Variants in UBR4 observed in about 807,000 individuals in gnomAD.
UBR4 encodes E3 ubiquitin-protein ligase UBR4.
A neutral mutation model predicts 575.6 loss-of-function variants in UBR4; 124 were observed. The ratio of observed to expected loss-of-function variants is 0.22; its 90% confidence interval spans 0.19 to 0.25. The LOEUF is 0.25. Among genes scored for constraint, UBR4 ranks in the 10% least tolerant of loss-of-function variants. The pLI, the probability that UBR4 is intolerant of heterozygous loss-of-function variation, is 1.00. For synonymous variants in UBR4, 2,455 were observed against 2,473.7 expected, an observed-to-expected ratio of 0.99 and a Z score of 0.22; for missense variants, 4,818 against 6,478.8, an observed-to-expected ratio of 0.74 and a Z score of 8.80.
Position 19,114,880 on chromosome 1 carries a change from G to A in UBR4, c.11133C>T (p.Phe3711=), listed in dbSNP as rs750616903. The part of the protein sequence containing the change: ...NACGFCKYAR[F]DFMLYAKPCC... ...AAGGCTTGGCATAGAGCATGAAGTCGAAGCGGGCATATTTACAGAAGCCAC... is the reference window on the plus strand; with the variant it reads ...AAGGCTTGGCATAGAGCATGAAGTCAAAGCGGGCATATTTACAGAAGCCAC... Residue 3711 remains phenylalanine (F), a synonymous_variant, in exon 75 of 106, where the codon TTC becomes TTT. Transcript: ENST00000375254. The A allele has an allele frequency of 9.9e-6, 16 of 1,614,076 alleles. No individual in the cohort carries two copies. Among genetic ancestry groups the A allele is most frequent in the Middle Eastern group, 1.6e-4 (1 of 6,084 alleles).
chr1:19,096,611 C>G lies in UBR4; in HGVS notation c.13430G>C (p.Gly4477Ala). 1 of 1,613,756 alleles carries G rather than the reference C, an allele frequency of 6.2e-7. No homozygotes were observed. The highest frequency in any genetic ancestry group is 8.5e-7 in the Non-Finnish European group (1 of 1,179,918). The change falls in exon 92 of 106, where the codon GGT (glycine) becomes GCT (alanine). Residue 4477 changes from glycine (G) to alanine (A), a missense_variant. Transcript: ENST00000375254. ...CAGGCCCCCACACTGGGCCATCACACCAGCCATTTTATACACTTCTTCTTC... is the reference window on the plus strand; with the variant it reads ...CAGGCCCCCACACTGGGCCATCACAGCAGCCATTTTATACACTTCTTCTTC... ...EDEEEVYKMA[G>A]VMAQCGGLEC...
intron 18 of UBR4, among the ~76,000 whole-genome samples, chr1:19,177,989 G>A (rs1468921672): frequency 6.6e-6 from 1 of 152,150 alleles, no homozygotes; most frequent in Non-Finnish European, 1.5e-5. Context: ...TCGAGGGGAG[G>A]ATTGCTTGAG....
At chr1:19,087,772 T>C (rs1473851540) in intron 99 of UBR4, 44 bp downstream of exon 99, 1 of 1,521,816 alleles carries the variant, frequency 6.6e-7, no homozygotes. Flanking sequence ...GAACAAGGGG[T>C]CAGGCTGGGC....
In UBR4 at chr1:19,123,045, G is replaced by T; in HGVS notation, c.9604C>A (p.Gln3202Lys). The T allele has an allele frequency of 1.9e-6, 3 of 1,614,182 alleles. No individual in the cohort carries two copies. Among genetic ancestry groups the T allele is most frequent in the Non-Finnish European group, 2.5e-6 (3 of 1,180,014 alleles). The change falls in exon 66 of 106, where the codon CAG becomes AAG. Residue 3202 changes from glutamine (Q) to lysine (K), a missense_variant. Physicochemically the swap from Gln to Lys is moderately conservative, Grantham distance 53 (BLOSUM62 1). This residue lies in a region of UBR4 where 550 missense variants were observed against 791.5 expected (regional missense o/e 0.69). Coordinates refer to ENST00000375254, the MANE Select transcript of UBR4 (RefSeq NM_020765.3). Reference sequence around the variant, plus strand: ...ACTTGACGGCGCACAAATGGAGTCTGCTGGATCATGAGGTACTTGAGAAGA... The same window carrying T: ...ACTTGACGGCGCACAAATGGAGTCTTCTGGATCATGAGGTACTTGAGAAGA... ...YFLSEYLMIQ[Q>K]TPFVRRQVRK... is the part of the protein sequence containing the mutation.
Position 19,152,384 on chromosome 1 carries a change from G to A in UBR4, c.6925C>T (p.Leu2309=), listed in dbSNP as rs2085857626. ...ATCTGTTGTGCATTATAGACCTGTA[G>A]GAGGTCGTTACCACCAAACTCCACA... The part of the protein sequence containing the change: ...TDVEFGGNDL[L]QVYNAQQIKH... The change falls in exon 47 of 106, where the codon CTA becomes TTA. Residue 2309 remains leucine, a synonymous_variant. Transcript: ENST00000375254. This position sits in a 1 kb window ranked among gnomAD's most constrained non-coding sequence, Gnocchi z 4.4. The A allele has an allele frequency of 1.9e-6, 3 of 1,613,834 alleles. No homozygotes were observed. Among genetic ancestry groups the A allele is most frequent in the Admixed American group, 1.7e-5 (1 of 59,998 alleles).
At chr1:19,151,455 T>C (rs1263132860) in intron 48 of UBR4, 188 bp downstream of exon 48, 1 of 659,604 alleles carries the variant, frequency 1.5e-6, no homozygotes, top group Non-Finnish European at 2.7e-6. Flanking sequence ...GCTACCATGC[T>C]CCGGTGTACT....
Position 19,210,218 on chromosome 1 carries a change from CCGCCGCCTCTTCGCCGCCGCTCGT to C in UBR4, c.7_30del (p.Thr3_Ala10del). The stretch of plus-strand genomic sequence containing the variant: ...GGGGTCCCCGGCGCCGGAGCCGCTG[CCGCCGCCTCTTCGCCGCCGCTCGT>C]CGCCATCTTCCGTCGTACTACTGCG... On this transcript the variant is annotated inframe_deletion, in exon 1 of 106. Transcript: ENST00000375254. 6.9e-7 allele frequency: 1 copy of C among 1,442,076 alleles called. No individual in the cohort carries two copies. Among genetic ancestry groups the C allele is most frequent in the Non-Finnish European group, 9.1e-7 (1 of 1,100,802 alleles). The allele number at this position is 1,442,076 out of a possible 1,614,324, so 89.3% of individuals were successfully genotyped here.
Position 19,150,523 on chromosome 1 carries a change from C to G in UBR4, c.7430+54G>C. ...GGCTCTCTCAAGACACAGGAAGGTT[C>G]TGCAGTGAGTGGAATATGTAAAAAC... On this transcript the variant is annotated intron_variant, in intron 49 of 105. Transcript: ENST00000375254. The G allele has an allele frequency of 3.2e-6, 5 of 1,578,784 alleles. No individual in the cohort carries two copies. In the South Asian group the frequency reaches 4.4e-5, roughly 14 times the overall value.
At chr1:19,079,185 C>T (rs1362756970) in intron 103 of UBR4, 1 of 152,096 alleles carries the variant, frequency 6.6e-6, no homozygotes, top group Admixed American at 6.5e-5. Context: ...CTATATGGGC[C>T]TCAAGTGAAG....
In UBR4 at chr1:19,186,575, T is replaced by C. The variant is rs748835010; in HGVS notation, c.1715A>G (p.Asp572Gly). ...GTCCTCCTCCGTGCTACTGAAATCG[T>C]CCTCATAGTAAGTATTGGAGTCGGT... Reference protein sequence around the residue: ...ASTDSNTYYEDDFSSTEEDSS... With the variant: ...ASTDSNTYYEGDFSSTEEDSS... Residue 572 changes from aspartate (D) to glycine (G), a missense_variant, in exon 14 of 106, where the codon GAC becomes GGC. By Grantham distance (94) the Asp-to-Gly change is moderately conservative (BLOSUM62 -1). This residue lies in a region of UBR4 where 162 missense variants were observed against 216.4 expected (regional missense o/e 0.75). Coordinates refer to ENST00000375254, the MANE Select transcript of UBR4 (RefSeq NM_020765.3). 6.2e-7 allele frequency: 1 copy of C among 1,614,104 alleles called. No individual in the cohort carries two copies. The highest frequency in any genetic ancestry group is 8.5e-7 in the Non-Finnish European group (1 of 1,180,000).
intron 7 of UBR4, 101 bp from the exon 8 acceptor site, chr1:19,197,366 C>T (rs374182570): frequency 9.3e-5 from 140 of 1,512,176 alleles, no homozygotes; most frequent in Non-Finnish European, 1.2e-4. Context: ...CAGTGGCTCA[C>T]GCCTATAATT....
intron 64 of UBR4, chr1:19,125,783 C>T (rs2081672266): frequency 1.3e-5 from 2 of 153,446 alleles, no homozygotes; most frequent in African/African-American, 4.8e-5. Flanking sequence ...TATCGTATTC[C>T]TACCCTACTC....
chr1:19,076,018 G>A (rs951320181), intron 105 of UBR4, among the ~76,000 whole-genome samples: 3 of 152,288 alleles, frequency 2.0e-5, no homozygotes, highest in East Asian at 1.9e-4. Flanking sequence ...ATGCCGCGGC[G>A]CCCACAACCT....
chr1:19,124,801 G>A, intron 64 of UBR4, 111 bp from the exon 65 acceptor site: 1 of 1,374,552 alleles, frequency 7.3e-7, no homozygotes, highest in Non-Finnish European at 9.9e-7. Flanking sequence ...GGTAAAGGGT[G>A]CCTTTCAGAG....
At chr1:19,199,610 C>A (rs750859768) in intron 3 of UBR4, 41 bp downstream of exon 3, 9 of 1,586,922 alleles carry the variant, frequency 5.7e-6, no homozygotes, top group Non-Finnish European at 8.6e-7. Context: ...AGTCACAACA[C>A]TGCTTCAGAA....
Position 19,161,915 on chromosome 1 carries a change from C to G in UBR4, c.4957-18G>C, listed in dbSNP as rs1274050862. 1.2e-6 allele frequency: 2 copies of G among 1,613,550 alleles called. No individual in the cohort carries two copies. Among genetic ancestry groups the G allele is most frequent in the African/African-American group, 2.7e-5 (2 of 74,932 alleles). On this transcript the variant is annotated intron_variant, in intron 35 of 105. Coordinates refer to ENST00000375254, the MANE Select transcript of UBR4 (RefSeq NM_020765.3). Reference sequence around the variant, plus strand: ...TCTTCATCCTTCAAAAATAATAAGTCTTTTTAATTCGAAATATATCCCTGC... The same window carrying G: ...TCTTCATCCTTCAAAAATAATAAGTGTTTTTAATTCGAAATATATCCCTGC...
intron 25 of UBR4, among the ~76,000 whole-genome samples, chr1:19,171,731 C>G (rs2089577932): frequency 6.6e-6 from 1 of 152,136 alleles, no homozygotes; most frequent in South Asian, 2.1e-4. Flanking sequence ...CACCTGTCAT[C>G]CCTGCCACTC....
In UBR4 at chr1:19,188,827, G is replaced by T. The variant is rs1222131544; in HGVS notation, c.1395-1287C>A. Among the ~76,000 whole-genome samples the T allele has an allele frequency of 2.0e-5, 3 of 152,106 alleles. No homozygotes were observed. The East Asian group carries it at 5.8e-4, about 29-fold the overall frequency. Reference sequence around the variant, plus strand: ...TGCAAAAAATTTTAAAAATTAGCTGGGCATGGTGGTGCACACCTGTAGTCC... The same window carrying T: ...TGCAAAAAATTTTAAAAATTAGCTGTGCATGGTGGTGCACACCTGTAGTCC... On this transcript the variant is annotated intron_variant, in intron 11 of 105. Transcript: ENST00000375254.
chr1:19,121,934 A>G lies in UBR4; in HGVS notation c.9895T>C (p.Ser3299Pro). 6.2e-7 allele frequency: 1 copy of G among 1,614,192 alleles called. No individual in the cohort carries two copies. The highest frequency in any genetic ancestry group is 8.5e-7 in the Non-Finnish European group (1 of 1,180,018). ...NWQKFCIKDDSVLYFLLQVSF... is the reference protein window; with the variant it reads ...NWQKFCIKDDPVLYFLLQVSF... The stretch of plus-strand genomic sequence containing the variant: ...AATCAAAAGGAGCAGCATTGCTTAC[A>G]GTCATCTTTGATGCAGAATTTCTGC... Residue 3299 changes from serine (S) to proline (P), a missense_variant and splice_region_variant, in exon 67 of 106, where the codon TCC (serine) becomes CCC (proline). This residue lies in a region of UBR4 where 550 missense variants were observed against 791.5 expected (regional missense o/e 0.69). Coordinates refer to ENST00000375254, the MANE Select transcript of UBR4 (RefSeq NM_020765.3).
Sources: allele counts gnomAD v4.1 joint callset (sites outside exome capture counted in the v4.1 genomes callset), GRCh38; gene constraint gnomAD v4.1.1; regional missense constraint gnomAD v4.1.1; non-coding constraint Gnocchi (gnomAD v3.1); transcripts MANE v1.5; gene names NCBI Gene and HGNC (gene_info 2026-07-23, HGNC 2026-07-21).